The following CCDC13 variants were observed in gnomAD, a reference collection of about 807,000 sequenced individuals.
The protein encoded by CCDC13 is coiled-coil domain-containing protein 13.
A neutral mutation model predicts 87.3 loss-of-function variants in CCDC13; 70 were observed. The ratio of observed to expected loss-of-function variants is 0.80; its 90% CI spans 0.66 to 0.98. CCDC13 has a LOEUF of 0.98. CCDC13 is among the 50% of genes least tolerant of loss of function. The pLI is 0.00. For synonymous variants in CCDC13, 317 were observed against 360.3 expected, an observed-to-expected ratio of 0.88 and a Z score of 1.36; for missense variants, 842 against 892.0, an observed-to-expected ratio of 0.94 and a Z score of 0.71.
At chr3:42,734,504 C>A (rs1698939327) in intron 10 of CCDC13, among the ~76,000 whole-genome samples, 2 of 152,332 alleles carry the variant, frequency 1.3e-5, no homozygotes, top group East Asian at 3.9e-4. Flanking sequence ...GGCTCCCCTT[C>A]AGCCTCACAG....
intron 14 of CCDC13, 121 bp downstream of exon 14, chr3:42,713,041 T>C: frequency 8.6e-7 from 1 of 1,163,898 alleles, no homozygotes; most frequent in Non-Finnish European, 1.2e-6. Flanking sequence ...AGCTCCACCC[T>C]GATGGAAGCT....
In CCDC13 at chr3:42,768,606, A is replaced by G. The variant is rs548392096; in HGVS notation, c.-7+4570T>C. Among the ~76,000 whole-genome samples the G allele has an allele frequency of 7.0e-4, 106 of 152,294 alleles. 2 individuals carry two copies. The highest frequency in any genetic ancestry group is 1.2e-3 in the Non-Finnish European group (79 of 68,026). On this transcript the variant is annotated intron_variant, in intron 1 of 15. Transcript: ENST00000310232. ...CAGCTACTCGGAAGGCTGAGGCAGG[A>G]GAATCGCTTGAACCCGGGAGGTGGA...
rs537764027 is a variant in CCDC13, at chr3:42,713,308, T to C, written c.1727A>G (p.Glu576Gly). 2.5e-6 allele frequency: 4 copies of C among 1,613,872 alleles called. No individual in the cohort carries two copies. In the African/African-American group the frequency reaches 4.0e-5, roughly 16 times the overall value. ...FVTVLQKRVE[E>G]SNSKLLESER... ...TGACTCCAGGAGCTTGCTGTTGCTC[T>C]CCTCCACCCTGGTGATTAGAGAGGA... The change falls in exon 14 of 16, where the codon GAG becomes GGG. Residue 576 changes from glutamate (E) to glycine (G), a missense_variant. Glu to Gly is a moderately conservative substitution (Grantham distance 98). Coordinates refer to ENST00000310232, the MANE Select transcript of CCDC13 (RefSeq NM_144719.4).
At chr3:42,734,761 G>A (rs6768001) in intron 10 of CCDC13, among the ~76,000 whole-genome samples, 2,808 of 152,298 alleles carry the variant, frequency 0.018, 75 homozygotes, top group African/African-American at 0.064. Flanking sequence ...GTCACTGGGA[G>A]ACCTGCATGC....
intron 13 of CCDC13, among the ~76,000 whole-genome samples, chr3:42,728,201 C>T (rs999301817): frequency 2.6e-5 from 4 of 152,334 alleles, no homozygotes; most frequent in African/African-American, 4.8e-5. Flanking sequence ...GAGCTTGGCT[C>T]GCCCTTGGCC....
chr3:42,735,805 G>T lies in CCDC13; in HGVS notation c.1273C>A (p.Arg425=). The part of the protein sequence containing the change: ...LDQQLNSEAQ[R]SNSLVAQLQA... The stretch of plus-strand genomic sequence containing the variant: ...AGCTGGGCGACTAGGCTGTTGCTCC[G>T]CTGAGCCTCGCTGTTCAGTTGCTGG... The change falls in exon 10 of 16, where the codon CGG becomes AGG. Residue 425 remains arginine, a synonymous_variant. Coordinates refer to ENST00000310232, the MANE Select transcript of CCDC13 (RefSeq NM_144719.4). The T allele has an allele frequency of 6.2e-7, 1 of 1,614,194 alleles. No homozygotes were observed. The highest frequency in any genetic ancestry group is 8.5e-7 in the Non-Finnish European group (1 of 1,180,036).
chr3:42,763,410 T>A (rs1442736932), intron 1 of CCDC13, among the ~76,000 whole-genome samples: 1 of 152,232 alleles, frequency 6.6e-6, no homozygotes, highest in Admixed American at 6.5e-5. Flanking sequence ...GGATTTGAAT[T>A]TGTTGCCAAC....
chr3:42,756,928 C>T, intron 3 of CCDC13, 138 bp downstream of exon 3: 1 of 847,814 alleles, frequency 1.2e-6, no homozygotes, highest in Non-Finnish European at 1.8e-6. Context: ...CCCTCACTTC[C>T]AGGACTCCTC....
chr3:42,704,526 T>A (rs1207924605), downstream of CCDC13: 3 of 152,102 alleles, frequency 2.0e-5, no homozygotes, highest in Admixed American at 2.0e-4. Flanking sequence ...AAACAGAGGC[T>A]ATTAGAGAGC....
At chr3:42,714,439 T>C (rs558351088) in intron 13 of CCDC13, among the ~76,000 whole-genome samples, 1 of 152,350 alleles carries the variant, frequency 6.6e-6, no homozygotes, top group South Asian at 2.1e-4. Flanking sequence ...TTCTTGGAGT[T>C]AGTGATTATC....
chr3:42,740,984 G>A (rs1699197780), intron 8 of CCDC13: 1 of 152,172 alleles, frequency 6.6e-6, no homozygotes, highest in Non-Finnish European at 1.5e-5. Context: ...GGCTCTTATG[G>A]GTGCCTGCCA....
At chr3:42,772,883 T>G (rs997549624) in intron 1 of CCDC13, among the ~76,000 whole-genome samples, 2 of 152,120 alleles carry the variant, frequency 1.3e-5, no homozygotes, top group Non-Finnish European at 2.9e-5. Context: ...TGAGTTCGAG[T>G]TCTGACTGTG....
chr3:42,745,955 G>A lies in CCDC13; in HGVS notation c.793C>T (p.Arg265Trp), dbSNP rs953432116. 3.1e-6 allele frequency: 5 copies of A among 1,613,986 alleles called. No individual in the cohort carries two copies. The highest frequency in any genetic ancestry group is 2.2e-5 in the East Asian group (1 of 44,874). ...TGCAAAACAAGAATTTGTTGAGCCC[G>A]ACCCCTCCAGGTCCCTGGCGAAGAT... ...LLSSPGTWRG[R>W]AQQILVLQSK... Residue 265 changes from arginine (R) to tryptophan (W), a missense_variant, in exon 7 of 16, where the codon CGG becomes TGG. Arg to Trp is a moderately radical substitution (Grantham distance 101, BLOSUM62 -3). Transcript: ENST00000310232.
At chr3:42,729,966 G>T (rs1029357281) in intron 13 of CCDC13, among the ~76,000 whole-genome samples, 5 of 152,226 alleles carry the variant, frequency 3.3e-5, no homozygotes, top group African/African-American at 9.6e-5. Flanking sequence ...CTGAACGGAA[G>T]TCTGTCAACA....
At position 42,742,939 on chromosome 3, in the gene CCDC13, A is replaced by G. The variant is rs142340182; in HGVS notation, c.944T>C (p.Leu315Pro). ...RKLSAQEKNL[L>P]RIRSLEREKQ... is the part of the protein sequence containing the mutation. ...TTCCCTTTCCAGGCTGCGGATCCTC[A>G]GCAGGTTTTTCTCCTGTGCCGACAG... The change falls in exon 8 of 16, where the codon CTG (leucine) becomes CCG (proline). Residue 315 changes from leucine to proline, a missense_variant. Physicochemically the swap from Leu to Pro is moderately conservative, Grantham distance 98 (BLOSUM62 -3). Coordinates refer to ENST00000310232, the MANE Select transcript of CCDC13 (RefSeq NM_144719.4). The G allele has an allele frequency of 3.7e-6, 6 of 1,614,104 alleles. No homozygotes were observed. Among genetic ancestry groups the G allele is most frequent in the Non-Finnish European group, 5.1e-6 (6 of 1,179,992 alleles).
rs2125864774 is a variant in CCDC13 at position 42,707,576 on chromosome 3, G to C, written c.*1404C>G. Among the ~76,000 whole-genome samples the C allele has an allele frequency of 6.6e-6, 1 of 152,342 alleles. No homozygotes were observed. Among genetic ancestry groups the C allele is most frequent in the South Asian group, 2.1e-4 (1 of 4,830 alleles). On this transcript the variant is annotated 3_prime_UTR_variant, in exon 16 of 16. Transcript: ENST00000310232. ...AGGAGCTGACAAGATGCTCGCAGGA[G>C]CCCCAGTGGCTTTTCCTGGGGAAGG... is the stretch of plus-strand genomic sequence containing the variant.
At chr3:42,717,572 T>C (rs868028672) in intron 13 of CCDC13, among the ~76,000 whole-genome samples, 7 of 152,212 alleles carry the variant, frequency 4.6e-5, no homozygotes, top group Non-Finnish European at 8.8e-5. Context: ...GTATTGTTAA[T>C]GTAATCAGTG....
chr3:42,768,352 T>C (rs1168317142), intron 1 of CCDC13, among the ~76,000 whole-genome samples: 1 of 152,172 alleles, frequency 6.6e-6, no homozygotes, highest in Non-Finnish European at 1.5e-5. Flanking sequence ...AATTGATAAA[T>C]TCAACTTCAT....
intron 1 of CCDC13, among the ~76,000 whole-genome samples, chr3:42,772,594 G>T (rs1387255935): frequency 1.3e-5 from 2 of 152,150 alleles, no homozygotes; most frequent in Admixed American, 1.3e-4. Context: ...CTGGAGGTGT[G>T]GGGAGGCCGC....
Sources: allele counts gnomAD v4.1 joint callset (sites outside exome capture counted in the v4.1 genomes callset), GRCh38; gene constraint gnomAD v4.1.1; transcripts MANE v1.5; gene names NCBI Gene and HGNC (gene_info 2026-07-23, HGNC 2026-07-21).